Variants in KIRREL1 observed in about 807,000 individuals in gnomAD.
The protein encoded by KIRREL1 is kin of IRRE-like protein 1.
A neutral mutation model predicts 83.3 loss-of-function variants in KIRREL1; 25 were observed. The ratio of observed to expected loss-of-function variants is 0.30; its 90% CI spans 0.22 to 0.42. The LOEUF is 0.42. KIRREL1 is among the 10% of genes least tolerant of loss of function. KIRREL1 has a pLI of 1.00. For missense variants in KIRREL1, 812 were observed against 1,032.3 expected (o/e 0.79, Z 2.92); for synonymous variants, 388 against 410.4 (o/e 0.95, Z 0.66).
chr1:158,091,470 T>G lies in KIRREL1; in HGVS notation c.1385T>G (p.Met462Arg), dbSNP rs749663248. 12 of 1,614,232 alleles carry G rather than the reference T, an allele frequency of 7.4e-6. No homozygotes were observed. The South Asian group carries it at 1.3e-4, about 18-fold the overall frequency. Residue 462 changes from methionine (M) to arginine (R), a missense_variant, in exon 11 of 15, where the codon ATG becomes AGG. Around this residue, in one of 3 missense-constraint regions of KIRREL1, gnomAD observed 472 missense variants for 626.8 expected, o/e 0.75. Transcript: ENST00000359209. ...VLSTLTINNV[M>R]EADFQTHYNC... ...TCCACGCTCACCATCAACAATGTCATGGAGGCCGACTTTCAGACTCACTAC... is the reference window on the plus strand; with the variant it reads ...TCCACGCTCACCATCAACAATGTCAGGGAGGCCGACTTTCAGACTCACTAC...
chr1:158,037,686 C>T (rs959371542), intron 1 of KIRREL1, among the ~76,000 whole-genome samples: 1 of 152,150 alleles, frequency 6.6e-6, no homozygotes, highest in Non-Finnish European at 1.5e-5. Context: ...TTGTAGCTCC[C>T]TCCTCCAGCA....
At chr1:158,024,491 C>A (rs6427416) in intron 1 of KIRREL1, among the ~76,000 whole-genome samples, 136,412 of 149,756 alleles carry the variant, frequency 0.91, 62,756 homozygotes, top group East Asian at 0.99. Flanking sequence ...GATGGCCAGG[C>A]TGGTCTCGAA....
At chr1:158,034,411 T>C (rs774655834) in intron 1 of KIRREL1, among the ~76,000 whole-genome samples, 3 of 152,216 alleles carry the variant, frequency 2.0e-5, no homozygotes, top group Non-Finnish European at 2.9e-5. Context: ...GCATTCTTTA[T>C]ATCTCTGAAA....
In KIRREL1 at chr1:158,099,547, G is replaced by A. The variant is rs1662437746; in HGVS notation, c.*4427G>A. ...ATCCCATTTTTTTGCATCACTGTGAGGTAGCTTCAGGCCCTGTCCCTGGAG... is the reference window on the plus strand; with the variant it reads ...ATCCCATTTTTTTGCATCACTGTGAAGTAGCTTCAGGCCCTGTCCCTGGAG... On this transcript the variant is annotated 3_prime_UTR_variant, in exon 15 of 15. Coordinates refer to ENST00000359209, the MANE Select transcript of KIRREL1 (RefSeq NM_018240.7). 6.6e-6 allele frequency: 1 copy of A among 152,196 alleles called. No homozygotes were observed. Among genetic ancestry groups the A allele is most frequent in the Admixed American group, 6.5e-5 (1 of 15,274 alleles). 9.4% of individuals were successfully genotyped at this position (152,196 alleles called of 1,614,324 possible).
Position 158,094,218 on chromosome 1 carries a change from A to G in KIRREL1, c.1720-95A>G, listed in dbSNP as rs930379912. 3 of 1,021,402 alleles carry G rather than the reference A, an allele frequency of 2.9e-6. No homozygotes were observed. The highest frequency in any genetic ancestry group is 2.0e-5 in the Admixed American group (1 of 50,280). 63.3% of individuals were successfully genotyped at this position (1,021,402 alleles called of 1,614,324 possible). A position where few individuals can be genotyped will look rare whatever the true frequency, so the allele number is the denominator to read the frequency against. On this transcript the variant is annotated intron_variant, in intron 13 of 14. Transcript: ENST00000359209. The surrounding 1 kb of genome is among the most constrained non-coding windows in gnomAD (Gnocchi z 4.6). ...CTGCCCTTGACCTCAGACCCCACCC[A>G]TGAGCAGGTGGCCTCTGAGCGTGGG...
chr1:158,013,872 A>G (rs961047206), intron 1 of KIRREL1, among the ~76,000 whole-genome samples: 1 of 152,182 alleles, frequency 6.6e-6, no homozygotes, highest in African/African-American at 2.4e-5. Context: ...CTTACTGTCC[A>G]TTAATTGCTA....
intron 1 of KIRREL1, among the ~76,000 whole-genome samples, chr1:158,016,657 C>T (rs1212041946): frequency 2.0e-5 from 3 of 152,186 alleles, no homozygotes; most frequent in South Asian, 4.1e-4. Context: ...ATTCCCTGCT[C>T]ACACCAGACT....
intron 4 of KIRREL1, 69 bp from the exon 5 acceptor site, chr1:158,086,527 G>A: frequency 6.7e-7 from 1 of 1,494,062 alleles, no homozygotes. Flanking sequence ...ATCTCTGAGT[G>A]AGGTCAACTT....
At chr1:158,087,889 T>C in intron 6 of KIRREL1, 29 bp downstream of exon 6, 2 of 1,609,904 alleles carry the variant, frequency 1.2e-6, no homozygotes, top group Non-Finnish European at 1.7e-6. Flanking sequence ...GGGAGCGCTC[T>C]GGGGAGTGAT....
rs544684613 is a variant in KIRREL1 at position 158,081,883 on chromosome 1, G to A, written c.353-2539G>A. Among the ~76,000 whole-genome samples, 8 of 152,180 alleles carry A rather than the reference G, an allele frequency of 5.3e-5. 1 individual carries two copies. The South Asian group carries it at 6.2e-4, about 12-fold the overall frequency. ...AGGAAGCTGATGCCTTCCCAGCGGA[G>A]GGGCTTCACACACCCGGGCACACAC... On this transcript the variant is annotated intron_variant, in intron 3 of 14. Transcript: ENST00000359209.
chr1:158,028,915 T>C (rs1168151960), intron 1 of KIRREL1, among the ~76,000 whole-genome samples: 1 of 152,212 alleles, frequency 6.6e-6, no homozygotes, highest in Non-Finnish European at 1.5e-5. Flanking sequence ...CAACACTGTC[T>C]GGTGAAAATT....
intron 1 of KIRREL1, among the ~76,000 whole-genome samples, chr1:158,019,927 T>C (rs181899092): frequency 2.0e-4 from 30 of 152,252 alleles, no homozygotes; most frequent in African/African-American, 6.7e-4. Context: ...TAGTCCTGAA[T>C]TGAGTAAGTT....
rs955218330 is a variant in KIRREL1 at position 158,014,691 on chromosome 1, G to C, written c.52+20963G>C. ...AAATATAGTCTTTATGGGGGGGGGGGGGCGGGGGGAAGGAGGTTTTAGTCA... is the reference window on the plus strand; with the variant it reads ...AAATATAGTCTTTATGGGGGGGGGGCGGCGGGGGGAAGGAGGTTTTAGTCA... On this transcript the variant is annotated intron_variant, in intron 1 of 14. Transcript: ENST00000359209. Among the ~76,000 whole-genome samples, 720 of 143,112 alleles carry C rather than the reference G, an allele frequency of 5.0e-3. 4 individuals carry two copies. The highest frequency in any genetic ancestry group is 8.5e-3 in the Non-Finnish European group (553 of 65,206). 93.9% of individuals were successfully genotyped at this position (143,112 alleles called of 152,430 possible). A position where few individuals can be genotyped will look rare whatever the true frequency, so the allele number is the denominator to read the frequency against.
chr1:158,067,849 C>T (rs1661395967), intron 1 of KIRREL1, among the ~76,000 whole-genome samples: 2 of 152,166 alleles, frequency 1.3e-5, no homozygotes, highest in South Asian at 4.1e-4. Context: ...ACCAGCCAGC[C>T]CCTCCAGCCA....
intron 1 of KIRREL1, among the ~76,000 whole-genome samples, chr1:158,004,114 C>G (rs1430207697): frequency 6.6e-6 from 1 of 152,218 alleles, no homozygotes; most frequent in Non-Finnish European, 1.5e-5. Flanking sequence ...AAGTCACTTA[C>G]TTGGAGCCTC....
Position 158,086,318 on chromosome 1 carries a change from G to T in KIRREL1, c.511-278G>T, listed in dbSNP as rs115812710. Among the ~76,000 whole-genome samples, 1,270 of 152,222 alleles carry T rather than the reference G, an allele frequency of 8.3e-3. 16 individuals carry two copies. The highest frequency in any genetic ancestry group is 0.029 in the African/African-American group (1,222 of 41,536). On this transcript the variant is annotated intron_variant, in intron 4 of 14. Coordinates refer to ENST00000359209, the MANE Select transcript of KIRREL1 (RefSeq NM_018240.7). Reference sequence around the variant, plus strand: ...CGCTGCTACTCAGAAGGCTCAGGCAGGAGGATTGCTTGAGTCCAAGCTTTG... The same window carrying T: ...CGCTGCTACTCAGAAGGCTCAGGCATGAGGATTGCTTGAGTCCAAGCTTTG...
intron 1 of KIRREL1, among the ~76,000 whole-genome samples, chr1:158,015,267 T>C (rs562745788): frequency 5.3e-5 from 8 of 152,192 alleles, no homozygotes; most frequent in Non-Finnish European, 1.0e-4. Context: ...TCATCTCTGA[T>C]GCAGTTCTGA....
chr1:157,994,055 C>T (rs1369101526), intron 1 of KIRREL1, among the ~76,000 whole-genome samples: 1 of 152,228 alleles, frequency 6.6e-6, no homozygotes, highest in Non-Finnish European at 1.5e-5. Context: ...GCAGCCCTAC[C>T]GACCCTCGCC....
At chr1:158,076,766 T>C (rs1013993827) in intron 2 of KIRREL1, among the ~76,000 whole-genome samples, 1 of 152,270 alleles carries the variant, frequency 6.6e-6, no homozygotes. Flanking sequence ...CATTCATTTA[T>C]TTATTCATTC....
Sources: allele counts gnomAD v4.1 joint callset (sites outside exome capture counted in the v4.1 genomes callset), GRCh38; gene constraint gnomAD v4.1.1; regional missense constraint gnomAD v4.1.1; non-coding constraint Gnocchi (gnomAD v3.1); transcripts MANE v1.5; gene names NCBI Gene and HGNC (gene_info 2026-07-23, HGNC 2026-07-21).